Variants in RASAL2 observed in about 807,000 individuals in gnomAD.
RASAL2 encodes the protein RAS protein activator like 2.
A neutral mutation model predicts 128.9 loss-of-function variants in RASAL2; 58 were observed. The observed-to-expected ratio is 0.45, with a 90% CI of 0.36 to 0.56. RASAL2 has a LOEUF of 0.56. Among genes scored for constraint, RASAL2 ranks in the 20% least tolerant of loss-of-function variants. RASAL2 has a pLI of 0.00. For missense variants in RASAL2, 1,360 were observed against 1,601.6 expected, an observed-to-expected ratio of 0.85 and a Z score of 2.57; for synonymous variants, 561 against 580.8, an observed-to-expected ratio of 0.97 and a Z score of 0.49.
chr1:178,110,621 CTATA>C (rs1306482892), intron 1 of RASAL2, among the ~76,000 whole-genome samples: 3 of 110,152 alleles, frequency 2.7e-5, no homozygotes, highest in South Asian at 3.2e-4. Context: ...ACTATATACA[CTATA>C]TATAGTGTAT....
At chr1:178,298,415 G>A (rs1193147780) in intron 2 of RASAL2, among the ~76,000 whole-genome samples, 3 of 152,154 alleles carry the variant, frequency 2.0e-5, no homozygotes, top group Non-Finnish European at 4.4e-5. Flanking sequence ...GGGAGAATTG[G>A]GGGTCCTATA....
intron 2 of RASAL2, among the ~76,000 whole-genome samples, chr1:178,287,723 C>T (rs1053132177): frequency 6.6e-6 from 1 of 152,082 alleles, no homozygotes; most frequent in Non-Finnish European, 1.5e-5. Context: ...GACCATTATT[C>T]TATGAAGTAA....
At chr1:178,266,024 G>A (rs1665931311) in intron 1 of RASAL2, among the ~76,000 whole-genome samples, 2 of 152,098 alleles carry the variant, frequency 1.3e-5, no homozygotes, top group African/African-American at 2.4e-5. Flanking sequence ...ATTTTGGATT[G>A]TTTCTAGCTT....
chr1:178,185,021 A>G (rs1327319065), intron 1 of RASAL2, among the ~76,000 whole-genome samples: 4 of 150,686 alleles, frequency 2.7e-5, no homozygotes, highest in African/African-American at 7.3e-5. Flanking sequence ...GGTTCTGTAC[A>G]TATTTTGTTA....
chr1:178,095,874 G>A lies in RASAL2; in HGVS notation c.202+1180G>A, dbSNP rs544605523. Among the ~76,000 whole-genome samples the A allele has an allele frequency of 1.4e-4, 21 of 152,260 alleles. No individual in the cohort carries two copies. In the South Asian group the frequency reaches 4.4e-3, roughly 32 times the overall value. ...ATTTTTGGCTTGTGATTCCTCATCT[G>A]TAAAGTGAGTGGATTGGATTAAATC... On this transcript the variant is annotated intron_variant, in intron 1 of 17. Coordinates refer to ENST00000367649, the MANE Select transcript of RASAL2 (RefSeq NM_170692.4).
chr1:178,473,145 G>A lies in RASAL2; in HGVS notation c.3749G>A (p.Arg1250Gln), dbSNP rs773709351. Residue 1250 changes from arginine (R) to glutamine (Q), a missense_variant, in exon 18 of 18, where the codon CGG becomes CAG. This residue lies in a region of RASAL2 where 741 missense variants were observed against 868.6 expected (regional missense o/e 0.85). Coordinates refer to ENST00000367649, the MANE Select transcript of RASAL2 (RefSeq NM_170692.4). Reference sequence around the variant, plus strand: ...AGCGCGCTGACCCAAGTGAAGGAGCGGTACAGCATGCAGGTCCGCAATGGC... The same window carrying A: ...AGCGCGCTGACCCAAGTGAAGGAGCAGTACAGCATGCAGGTCCGCAATGGC... ...LMSALTQVKE[R>Q]YSMQVRNGIS... 4.3e-6 allele frequency: 7 copies of A among 1,614,132 alleles called. No homozygotes were observed. The highest frequency in any genetic ancestry group is 1.3e-5 in the African/African-American group (1 of 75,024).
intron 1 of RASAL2, among the ~76,000 whole-genome samples, chr1:178,281,972 CTT>C (rs1666802657): frequency 6.6e-6 from 1 of 152,010 alleles, no homozygotes; most frequent in Non-Finnish European, 1.5e-5. Flanking sequence ...CAGAAGAAAA[CTT>C]TGGAAGAACT....
At chr1:178,237,434 TA>T (rs1203823430) in intron 1 of RASAL2, among the ~76,000 whole-genome samples, 1 of 152,106 alleles carries the variant, frequency 6.6e-6, no homozygotes, top group Non-Finnish European at 1.5e-5. Context: ...TCACACAGGC[TA>T]GGGATATAGT....
chr1:178,359,545 A>G (rs896024537), intron 3 of RASAL2, among the ~76,000 whole-genome samples: 2 of 152,178 alleles, frequency 1.3e-5, no homozygotes, highest in African/African-American at 4.8e-5. Flanking sequence ...CTTTCATTTT[A>G]CAAAACATCA....
intron 1 of RASAL2, among the ~76,000 whole-genome samples, chr1:178,181,606 G>A (rs962976221): frequency 3.3e-5 from 5 of 152,042 alleles, no homozygotes; most frequent in Admixed American, 2.6e-4. Flanking sequence ...TCTGTTTCAG[G>A]ATGCCATCTA....
At chr1:178,275,383 A>G (rs1038624492) in intron 1 of RASAL2, among the ~76,000 whole-genome samples, 1 of 152,242 alleles carries the variant, frequency 6.6e-6, no homozygotes, top group Non-Finnish European at 1.5e-5. Context: ...AAGAAGTGGA[A>G]GAAAACTATA....
intron 1 of RASAL2, among the ~76,000 whole-genome samples, chr1:178,130,800 A>G (rs1342401996): frequency 1.3e-5 from 2 of 152,194 alleles, no homozygotes; most frequent in Non-Finnish European, 2.9e-5. Flanking sequence ...GTCGCCTGTA[A>G]TCCCAGCACT....
chr1:178,200,286 G>A (rs1055869680), intron 1 of RASAL2, among the ~76,000 whole-genome samples: 1 of 152,146 alleles, frequency 6.6e-6, no homozygotes, highest in Non-Finnish European at 1.5e-5. Context: ...TGCTAAGGAC[G>A]CTACTTCTAA....
intron 1 of RASAL2, among the ~76,000 whole-genome samples, chr1:178,156,892 C>A (rs1661104056): frequency 1.3e-5 from 2 of 152,016 alleles, no homozygotes; most frequent in Admixed American, 6.6e-5. Context: ...GCATAAAATC[C>A]TCATCAGTGT....
At chr1:178,405,240 G>A (rs190610085) in intron 4 of RASAL2, among the ~76,000 whole-genome samples, 82 of 152,242 alleles carry the variant, frequency 5.4e-4, no homozygotes, top group Admixed American at 5.9e-4. Context: ...AAACACATAT[G>A]CACAAAGTTA....
At chr1:178,412,061 G>GAA (rs369185850) in intron 4 of RASAL2, 282 of 251,796 alleles carry the variant, frequency 1.1e-3, no homozygotes, top group South Asian at 2.7e-3. Flanking sequence ...GCCATCATGT[G>GAA]AAAAAAAAAA....
At chr1:178,192,353 C>CA (rs999085015) in intron 1 of RASAL2, among the ~76,000 whole-genome samples, 14 of 151,718 alleles carry the variant, frequency 9.2e-5, no homozygotes, top group Non-Finnish European at 1.6e-4. Context: ...AACTAAAAGA[C>CA]AAAAAAATGC....
At chr1:178,206,014 T>A (rs1386366078) in intron 1 of RASAL2, among the ~76,000 whole-genome samples, 1 of 152,192 alleles carries the variant, frequency 6.6e-6, no homozygotes, top group African/African-American at 2.4e-5. Flanking sequence ...TTGACATTGT[T>A]ATCCTGACAC....
At chr1:178,170,882 G>A (rs1661682762) in intron 1 of RASAL2, among the ~76,000 whole-genome samples, 1 of 151,770 alleles carries the variant, frequency 6.6e-6, no homozygotes, top group Admixed American at 6.6e-5. Context: ...GTTGATTTGA[G>A]TTGTTCATGA....
Sources: allele counts gnomAD v4.1 joint callset (sites outside exome capture counted in the v4.1 genomes callset), GRCh38; gene constraint gnomAD v4.1.1; regional missense constraint gnomAD v4.1.1; transcripts MANE v1.5; gene names NCBI Gene and HGNC (gene_info 2026-07-23, HGNC 2026-07-21).